Variants in KCTD8 observed in about 807,000 individuals in gnomAD.
KCTD8 encodes potassium channel tetramerization domain containing 8.
Under a neutral mutation model 31.5 loss-of-function variants are expected in KCTD8, and 27 were observed. The ratio of observed to expected loss-of-function variants is 0.86; its 90% CI spans 0.63 to 1.18. The LOEUF (loss-of-function observed/expected upper bound fraction) is 1.18. Ranked by LOEUF, KCTD8 falls within the 50% of genes most tolerant of loss-of-function variation. The pLI, the probability that KCTD8 is intolerant of heterozygous loss-of-function variation, is 0.00. For synonymous variants in KCTD8, 290 were observed against 280.0 expected, an observed-to-expected ratio of 1.04 and a Z score of -0.36; for missense variants, 658 against 647.7, an observed-to-expected ratio of 1.02 and a Z score of -0.17.
chr4:44,214,694 A>C (rs1030628114), intron 1 of KCTD8, among the ~76,000 whole-genome samples: 4 of 152,184 alleles, frequency 2.6e-5, no homozygotes, highest in Non-Finnish European at 5.9e-5. Flanking sequence ...ATTGCTGTGC[A>C]TAGGCTGAAC....
rs1248824528 is a variant in KCTD8 at position 44,381,302 on chromosome 4, A to G, written c.961+66261T>C. 2.0e-5 allele frequency among the ~76,000 whole-genome samples: 3 copies of G among 152,104 alleles called. No individual in the cohort carries two copies. In the East Asian group the frequency reaches 5.8e-4, roughly 29 times the overall value. ...CCTCCTAGAATTAATAGATGAACTCAGCAAAACTGTAAAATTAACACACAA... is the reference window on the plus strand; with the variant it reads ...CCTCCTAGAATTAATAGATGAACTCGGCAAAACTGTAAAATTAACACACAA... On this transcript the variant is annotated intron_variant, in intron 1 of 1. Transcript: ENST00000360029.
At chr4:44,370,791 C>A (rs2109436044) in intron 1 of KCTD8, among the ~76,000 whole-genome samples, 1 of 152,162 alleles carries the variant, frequency 6.6e-6, no homozygotes, top group Admixed American at 6.5e-5. Context: ...TCTTTTCCAG[C>A]CTCAATTCCT....
chr4:44,193,099 A>G (rs1377122333), intron 1 of KCTD8, among the ~76,000 whole-genome samples: 1 of 152,200 alleles, frequency 6.6e-6, no homozygotes, highest in Non-Finnish European at 1.5e-5. Context: ...ATACACCACT[A>G]GTTGAAAAAG....
chr4:44,304,814 G>A (rs1577605087), intron 1 of KCTD8, among the ~76,000 whole-genome samples: 1 of 151,976 alleles, frequency 6.6e-6, no homozygotes, highest in Non-Finnish European at 1.5e-5. Context: ...GATTATGATG[G>A]TGGCCACAAA....
intron 1 of KCTD8, among the ~76,000 whole-genome samples, chr4:44,326,532 T>G (rs928295908): frequency 2.6e-5 from 4 of 151,914 alleles, no homozygotes; most frequent in African/African-American, 9.7e-5. Context: ...TCACCTCTAC[T>G]ATCCACTGCA....
chr4:44,180,587 GCACACACACACA>G lies in KCTD8; in HGVS notation c.962-5349_962-5338del, dbSNP rs201708007. On this transcript the variant is annotated intron_variant, in intron 1 of 1. Coordinates refer to ENST00000360029, the MANE Select transcript of KCTD8 (RefSeq NM_198353.3). ...TGAAGAACAGTCAGTATACATACAT[GCACACACACACA>G]CACACACACACACACACACACTTAG... Among the ~76,000 whole-genome samples the G allele has an allele frequency of 8.6e-5, 12 of 139,204 alleles. No homozygotes were observed. The South Asian group carries it at 9.2e-4, about 11-fold the overall frequency. The allele number at this position is 139,204 out of a possible 152,430, so 91.3% of individuals were successfully genotyped here.
chr4:44,181,965 C>T (rs1448253993), intron 1 of KCTD8, among the ~76,000 whole-genome samples: 1 of 151,340 alleles, frequency 6.6e-6, no homozygotes, highest in East Asian at 2.0e-4. Flanking sequence ...AGTGAGGAGC[C>T]CCTCCGCCCG....
At chr4:44,387,913 C>G (rs1338368283) in intron 1 of KCTD8, among the ~76,000 whole-genome samples, 1 of 151,144 alleles carries the variant, frequency 6.6e-6, no homozygotes, top group Non-Finnish European at 1.5e-5. Flanking sequence ...AACTTGCCAA[C>G]TGAGTAAAGA....
intron 1 of KCTD8, among the ~76,000 whole-genome samples, chr4:44,266,059 C>A (rs1443795520): frequency 1.3e-5 from 2 of 152,068 alleles, no homozygotes; most frequent in African/African-American, 2.4e-5. Context: ...CAAGATACTC[C>A]TCGAGAAGAG....
At chr4:44,345,560 C>T (rs1344399507) in intron 1 of KCTD8, among the ~76,000 whole-genome samples, 5 of 152,096 alleles carry the variant, frequency 3.3e-5, no homozygotes, top group African/African-American at 7.2e-5. Flanking sequence ...GTAGCATTCA[C>T]GAAACATTAA....
intron 1 of KCTD8, among the ~76,000 whole-genome samples, chr4:44,372,077 T>C (rs1719802768): frequency 6.6e-6 from 1 of 152,218 alleles, no homozygotes; most frequent in South Asian, 2.1e-4. Flanking sequence ...CTAATTGAAA[T>C]AGCATTATTC....
intron 1 of KCTD8, among the ~76,000 whole-genome samples, chr4:44,318,693 G>A (rs1172499252): frequency 2.0e-5 from 3 of 152,232 alleles, no homozygotes; most frequent in Admixed American, 6.5e-5. Flanking sequence ...AACAAGTAAC[G>A]TGAACACATG....
At chr4:44,339,727 G>A (rs1266271614) in intron 1 of KCTD8, among the ~76,000 whole-genome samples, 1 of 152,068 alleles carries the variant, frequency 6.6e-6, no homozygotes, top group African/African-American at 2.4e-5. Context: ...AAAAAATTGA[G>A]AAGGAACATA....
At chr4:44,375,490 T>C (rs6849985) in intron 1 of KCTD8, among the ~76,000 whole-genome samples, 84,420 of 151,940 alleles carry the variant, frequency 0.56, 23,420 homozygotes, top group East Asian at 0.64. Flanking sequence ...CTGTGAGATG[T>C]CTCTGTTCCT....
chr4:44,446,466 G>A (rs1721939877), intron 1 of KCTD8, among the ~76,000 whole-genome samples: 3 of 152,008 alleles, frequency 2.0e-5, no homozygotes, highest in African/African-American at 4.8e-5. Flanking sequence ...TGTCCAAATC[G>A]CTCTCTAGTC....
At chr4:44,178,265 A>G (rs1713276137) in intron 1 of KCTD8, among the ~76,000 whole-genome samples, 1 of 152,150 alleles carries the variant, frequency 6.6e-6, no homozygotes, top group African/African-American at 2.4e-5. Context: ...ATATCAAGGT[A>G]TATCAGTGGT....
intron 1 of KCTD8, among the ~76,000 whole-genome samples, chr4:44,289,338 A>C (rs1717200904): frequency 6.6e-6 from 1 of 152,128 alleles, no homozygotes; most frequent in African/African-American, 2.4e-5. Flanking sequence ...TTTAAATACA[A>C]AGACAAAATA....
In KCTD8 at chr4:44,448,552, G is replaced by A; in HGVS notation, c.-29C>T. 3 of 1,443,116 alleles carry A rather than the reference G, an allele frequency of 2.1e-6. No homozygotes were observed. Among genetic ancestry groups the A allele is most frequent in the Non-Finnish European group, 2.7e-6 (3 of 1,103,062 alleles). 89.4% of individuals were successfully genotyped at this position (1,443,116 alleles called of 1,614,324 possible). On this transcript the variant is annotated 5_prime_UTR_variant, in exon 1 of 2. Transcript: ENST00000360029. This position sits in a 1 kb window ranked among gnomAD's most constrained non-coding sequence, Gnocchi z 4.1. ...CCCCCCGCCGCCGGCCCAGTGACCC[G>A]AGAGAGCTGCACTTTCTCGTTCCCG... is the stretch of plus-strand genomic sequence containing the variant.
At chr4:44,434,974 A>G (rs984230379) in intron 1 of KCTD8, among the ~76,000 whole-genome samples, 8 of 97,484 alleles carry the variant, frequency 8.2e-5, no homozygotes, top group African/African-American at 2.0e-4. Context: ...TATCTACCCT[A>G]TATCTTGCAC....
Sources: gnomAD v4.1 joint callset for allele counts (sites outside exome capture counted in the v4.1 genomes callset) on GRCh38, gnomAD v4.1.1 for gene constraint, Gnocchi (gnomAD v3.1) non-coding constraint, MANE v1.5 for transcripts, NCBI Gene and HGNC (gene_info 2026-07-23, HGNC 2026-07-21) for gene names.